The following SSBP3 variants were observed in gnomAD, a reference collection of about 807,000 sequenced individuals.
The protein encoded by SSBP3 is single stranded DNA binding protein 3, also known as single-stranded DNA-binding protein 3.
A neutral mutation model predicts 69.6 loss-of-function variants in SSBP3; 5 were observed. The ratio of observed to expected loss-of-function variants is 0.07; its 90% confidence interval spans 0.04 to 0.15. SSBP3 has a LOEUF of 0.15. SSBP3 is among the 10% of genes least tolerant of loss of function. SSBP3 has a pLI of 1.00. For synonymous variants in SSBP3, 196 were observed against 193.4 expected, an observed-to-expected ratio of 1.01 and a Z score of -0.11; for missense variants, 312 against 534.0, an observed-to-expected ratio of 0.58 and a Z score of 4.10.
intron 4 of SSBP3, among the ~76,000 whole-genome samples, chr1:54,319,486 A>G (rs1407380185): frequency 6.6e-6 from 1 of 152,118 alleles, no homozygotes; most frequent in Non-Finnish European, 1.5e-5. Context: ...AAACCCCTTT[A>G]TAAGGGAAAT....
rs1316790835 is a variant in SSBP3, at chr1:54,232,953, T to C, written c.928-4127A>G. On this transcript the variant is annotated intron_variant, in intron 14 of 17. Transcript: ENST00000610401. Reference sequence around the variant, plus strand: ...CTACAACCTCCACCTCCCAGCCGCCTGCCTTGGCCTCCCAAAGTGCCGAGA... The same window carrying C: ...CTACAACCTCCACCTCCCAGCCGCCCGCCTTGGCCTCCCAAAGTGCCGAGA... Among the ~76,000 whole-genome samples the C allele has an allele frequency of 2.0e-5, 3 of 152,124 alleles. 1 individual carries two copies. The highest frequency in any genetic ancestry group is 4.4e-5 in the Non-Finnish European group (3 of 68,012).
At chr1:54,402,447 T>TTTCCA (rs1649379154) in intron 3 of SSBP3, among the ~76,000 whole-genome samples, 1 of 152,180 alleles carries the variant, frequency 6.6e-6, no homozygotes, top group Non-Finnish European at 1.5e-5. Flanking sequence ...TATGCCGCGA[T>TTTCCA]TTGGAAGACT....
At chr1:54,364,176 C>A (rs532849607) in intron 4 of SSBP3, among the ~76,000 whole-genome samples, 1 of 152,360 alleles carries the variant, frequency 6.6e-6, no homozygotes, top group South Asian at 2.1e-4. Context: ...CCATTCATTT[C>A]TGTCCTGTCT....
At chr1:54,267,267 A>G (rs679200) in intron 5 of SSBP3, among the ~76,000 whole-genome samples, 90,025 of 152,054 alleles carry the variant, frequency 0.59, 27,365 homozygotes, top group South Asian at 0.74. Flanking sequence ...TCCATACAAC[A>G]GGGCACTCTT....
At chr1:54,250,471 T>C (rs1644807282) in intron 9 of SSBP3, among the ~76,000 whole-genome samples, 1 of 149,488 alleles carries the variant, frequency 6.7e-6, no homozygotes, top group Non-Finnish European at 1.5e-5. Context: ...GATTCTGGGA[T>C]GGAGCAGAGG....
At chr1:54,313,452 T>C (rs1053639563) in intron 4 of SSBP3, among the ~76,000 whole-genome samples, 5 of 149,528 alleles carry the variant, frequency 3.3e-5, no homozygotes, top group Admixed American at 6.6e-5. Flanking sequence ...TTTTTTTTTT[T>C]TTTTTTTTTC....
At chr1:54,399,283 G>A (rs910563452) in intron 4 of SSBP3, among the ~76,000 whole-genome samples, 2 of 152,252 alleles carry the variant, frequency 1.3e-5, no homozygotes, top group East Asian at 1.9e-4. Flanking sequence ...TGGGCCTGCA[G>A]GGCCAAGCCA....
intron 4 of SSBP3, among the ~76,000 whole-genome samples, chr1:54,318,933 T>TCC (rs1466852195): frequency 4.6e-5 from 7 of 152,160 alleles, no homozygotes; most frequent in African/African-American, 1.4e-4. Context: ...ATTTCATCTA[T>TCC]CCCCCGCAGC....
At chr1:54,373,627 T>C (rs1211293566) in intron 4 of SSBP3, among the ~76,000 whole-genome samples, 1 of 152,016 alleles carries the variant, frequency 6.6e-6, no homozygotes, top group African/African-American at 2.4e-5. Flanking sequence ...ATTAGCCATA[T>C]GTGGCGGCGC....
At chr1:54,274,662 GC>G (rs1277969961) in intron 5 of SSBP3, among the ~76,000 whole-genome samples, 1 of 152,254 alleles carries the variant, frequency 6.6e-6, no homozygotes, top group Non-Finnish European at 1.5e-5. Context: ...TCCTGCTCGG[GC>G]CATGGCCACC....
chr1:54,255,470 T>TGGG (rs1644905040), intron 7 of SSBP3: 1 of 152,040 alleles, frequency 6.6e-6, no homozygotes, highest in South Asian at 2.1e-4. Flanking sequence ...AAAACACAGA[T>TGGG]GGGGGCAGGA....
At chr1:54,227,837 C>A (rs1180994718) in intron 17 of SSBP3, among the ~76,000 whole-genome samples, 1 of 152,334 alleles carries the variant, frequency 6.6e-6, no homozygotes, top group African/African-American at 2.4e-5. Context: ...AACACTGTTT[C>A]TTCAAATGAG....
chr1:54,272,710 C>T (rs1305824170), intron 5 of SSBP3, among the ~76,000 whole-genome samples: 2 of 152,276 alleles, frequency 1.3e-5, no homozygotes, highest in East Asian at 3.9e-4. Context: ...TGCCGACCTG[C>T]GGCAGAGCAG....
chr1:54,242,689 C>T (rs1644660872), intron 10 of SSBP3, among the ~76,000 whole-genome samples: 2 of 152,140 alleles, frequency 1.3e-5, no homozygotes, highest in Admixed American at 1.3e-4. Context: ...GTGGCTCACA[C>T]CTGTAATCCT....
upstream of SSBP3, among the ~76,000 whole-genome samples, chr1:54,406,700 G>A (rs920294992): frequency 1.3e-5 from 2 of 151,986 alleles, no homozygotes; most frequent in Non-Finnish European, 2.9e-5. Flanking sequence ...CGAGGAGGGG[G>A]ATCTGACCCG....
chr1:54,396,512 T>C (rs1442638132), intron 4 of SSBP3, among the ~76,000 whole-genome samples: 1 of 151,742 alleles, frequency 6.6e-6, no homozygotes, highest in East Asian at 1.9e-4. Context: ...ACACACACAC[T>C]CACATACAGA....
chr1:54,307,233 C>T (rs1287621666), intron 4 of SSBP3, among the ~76,000 whole-genome samples: 1 of 152,154 alleles, frequency 6.6e-6, no homozygotes, highest in East Asian at 1.9e-4. Context: ...CACGCCCCCA[C>T]TATGGTCCCA....
intron 4 of SSBP3, among the ~76,000 whole-genome samples, chr1:54,336,521 G>C (rs1328798790): frequency 2.6e-5 from 4 of 152,120 alleles, no homozygotes; most frequent in Non-Finnish European, 4.4e-5. Flanking sequence ...CAAGCCCACG[G>C]AGCCAATGGG....
intron 14 of SSBP3, among the ~76,000 whole-genome samples, chr1:54,232,912 G>C (rs1299057625): frequency 1.3e-5 from 2 of 152,180 alleles, no homozygotes; most frequent in Admixed American, 1.3e-4. Context: ...GAGTGCAGTG[G>C]CGTGATCTCG....
Sources: gnomAD v4.1 joint callset for allele counts (sites outside exome capture counted in the v4.1 genomes callset) on GRCh38, gnomAD v4.1.1 for gene constraint, MANE v1.5 for transcripts, NCBI Gene and HGNC (gene_info 2026-07-23, HGNC 2026-07-21) for gene names.